Variants in FRK observed in about 807,000 individuals in gnomAD.
FRK encodes the protein tyrosine-protein kinase FRK.
FRK carries 51 observed loss-of-function variants against 56.4 expected under a neutral mutation model. The observed-to-expected ratio is 0.90, with a 90% CI of 0.72 to 1.14. The LOEUF is 1.14. FRK is among the 50% of genes most tolerant of loss of function. FRK has a pLI of 0.00. For synonymous variants in FRK, 245 were observed against 217.9 expected (o/e 1.12, Z -1.10); for missense variants, 570 against 601.4 (o/e 0.95, Z 0.55).
the FRK span, among the ~76,000 whole-genome samples, chr6:116,082,654 T>C: frequency 6.6e-6 from 1 of 152,102 alleles, no homozygotes; most frequent in African/African-American, 2.4e-5. Context: ...CTGGAAAACA[T>C]AGAGTTTCTA....
the FRK span, among the ~76,000 whole-genome samples, chr6:116,096,359 TTG>T: frequency 6.6e-6 from 1 of 152,220 alleles, no homozygotes; most frequent in African/African-American, 2.4e-5. Flanking sequence ...TGGGGATTTT[TTG>T]TGTCTAGCTA....
chr6:116,090,188 T>C, the FRK span, among the ~76,000 whole-genome samples: 1 of 152,204 alleles, frequency 6.6e-6, no homozygotes, highest in East Asian at 1.9e-4. Context: ...TCTGTTCCAC[T>C]GCAAGGTTAA....
intron 2 of FRK, among the ~76,000 whole-genome samples, chr6:115,989,080 A>G (rs1933738): frequency 0.15 from 22,409 of 151,858 alleles, 2,283 homozygotes; most frequent in Middle Eastern, 0.28. Flanking sequence ...AGAAGCAGAG[A>G]GACCAGTCAA....
intron 1 of FRK, among the ~76,000 whole-genome samples, chr6:116,005,963 T>A (rs1391994010): frequency 6.6e-6 from 1 of 152,156 alleles, no homozygotes; most frequent in Non-Finnish European, 1.5e-5. Context: ...AGGGAAGTTT[T>A]CTTTAGCAAG....
At chr6:115,969,186 T>C (rs9387379) in intron 2 of FRK, among the ~76,000 whole-genome samples, 37,952 of 152,058 alleles carry the variant, frequency 0.25, 6,227 homozygotes, top group East Asian at 0.63. Flanking sequence ...AATCCTATAA[T>C]GTGGCTTTGG....
At chr6:116,096,562 C>T in the FRK span, among the ~76,000 whole-genome samples, 1 of 152,118 alleles carries the variant, frequency 6.6e-6, no homozygotes, top group Admixed American at 6.5e-5. Context: ...GTAAATGTGC[C>T]AATCAGCACT....
chr6:116,096,755 C>G, the FRK span, among the ~76,000 whole-genome samples: 1 of 152,212 alleles, frequency 6.6e-6, no homozygotes, highest in Non-Finnish European at 1.5e-5. Context: ...TCCACTCCAG[C>G]CAGCAGCGGC....
At chr6:116,045,494 T>C (rs1414547739) in intron 1 of FRK, among the ~76,000 whole-genome samples, 1 of 152,204 alleles carries the variant, frequency 6.6e-6, no homozygotes, top group African/African-American at 2.4e-5. Context: ...AAGGATTCCC[T>C]ATTGAATAAA....
the FRK span, among the ~76,000 whole-genome samples, chr6:116,066,980 C>A: frequency 6.6e-6 from 1 of 152,184 alleles, no homozygotes; most frequent in South Asian, 2.1e-4. Context: ...CTCAGCACTT[C>A]AGAACGTGAC....
At chr6:116,010,298 G>C (rs1269485779) in intron 1 of FRK, among the ~76,000 whole-genome samples, 1 of 151,994 alleles carries the variant, frequency 6.6e-6, no homozygotes, top group African/African-American at 2.4e-5. Flanking sequence ...TAATGACAGA[G>C]GAGTTTCACT....
chr6:115,994,338 C>A (rs372380547), intron 2 of FRK, among the ~76,000 whole-genome samples: 1 of 91,770 alleles, frequency 1.1e-5, no homozygotes, highest in Non-Finnish European at 2.4e-5. Flanking sequence ...CCCCCCCCGC[C>A]TTTTTTTTGT....
chr6:115,954,442 A>G (rs1370257075), intron 5 of FRK, among the ~76,000 whole-genome samples: 1 of 152,210 alleles, frequency 6.6e-6, no homozygotes, highest in Non-Finnish European at 1.5e-5. Context: ...AGCCTGGATC[A>G]GGGTAGGAGC....
chr6:115,977,270 T>G (rs1449254058), intron 2 of FRK, among the ~76,000 whole-genome samples: 1 of 152,210 alleles, frequency 6.6e-6, no homozygotes, highest in Non-Finnish European at 1.5e-5. Flanking sequence ...CATGAATTAT[T>G]TTGAGAGAAG....
intron 5 of FRK, among the ~76,000 whole-genome samples, chr6:115,947,851 T>A (rs1772530384): frequency 6.6e-6 from 1 of 152,180 alleles, no homozygotes; most frequent in Admixed American, 6.5e-5. Context: ...TAGCTAGGCC[T>A]TTTGATATCA....
the FRK span, among the ~76,000 whole-genome samples, chr6:116,071,102 G>C: frequency 1.3e-5 from 2 of 152,118 alleles, no homozygotes; most frequent in African/African-American, 4.8e-5. Context: ...AAAAGTAACT[G>C]AGTCTTAGGG....
chr6:115,936,842 A>C lies in FRK; in HGVS notation c.*5572T>G, dbSNP rs528894351. On this transcript the variant is annotated 3_prime_UTR_variant, in exon 8 of 8. Coordinates refer to ENST00000606080, the MANE Select transcript of FRK (RefSeq NM_002031.3). Reference sequence around the variant, plus strand: ...GGGATTATGTGAAAACACCAAGTCTACGTTTGATTGGTGTACCTGAAAGTG... The same window carrying C: ...GGGATTATGTGAAAACACCAAGTCTCCGTTTGATTGGTGTACCTGAAAGTG... The C allele has an allele frequency of 6.6e-6, 1 of 152,366 alleles. No individual in the cohort carries two copies. Among genetic ancestry groups the C allele is most frequent in the South Asian group, 2.1e-4 (1 of 4,822 alleles). 9.4% of individuals were successfully genotyped at this position (152,366 alleles called of 1,614,324 possible).
At position 115,933,727 on chromosome 6, in the gene FRK, T is replaced by C. The variant is rs1334733874; in HGVS notation, c.*8687A>G. 1 of 152,186 alleles carries C rather than the reference T, an allele frequency of 6.6e-6. No individual in the cohort carries two copies. Among genetic ancestry groups the C allele is most frequent in the Non-Finnish European group, 1.5e-5 (1 of 68,006 alleles). 9.4% of individuals were successfully genotyped at this position (152,186 alleles called of 1,614,324 possible). A position where few individuals can be genotyped will look rare whatever the true frequency, so the allele number is the denominator to read the frequency against. The stretch of plus-strand genomic sequence containing the variant: ...ATATGTGCGCAAGAAAAATTAAACA[T>C]GAAATGAATTCAAAGAAAAGGAACT... On this transcript the variant is annotated 3_prime_UTR_variant, in exon 8 of 8. Transcript: ENST00000606080.
At chr6:115,958,703 A>AGGGGGGGGGG (rs1491166566) in intron 4 of FRK, among the ~76,000 whole-genome samples, 1 of 4,730 alleles carries the variant, frequency 2.1e-4, no homozygotes, top group Non-Finnish European at 4.4e-4. Flanking sequence ...AAAGAAAGAA[A>AGGGGGGGGGG]GAAGAAAGAA....
intron 1 of FRK, among the ~76,000 whole-genome samples, chr6:116,030,140 C>T (rs1233300762): frequency 1.3e-5 from 2 of 151,988 alleles, no homozygotes; most frequent in Non-Finnish European, 2.9e-5. Context: ...TTTTCCTGGC[C>T]TCATAGTAGA....
Sources: allele counts gnomAD v4.1 joint callset (sites outside exome capture counted in the v4.1 genomes callset), GRCh38; gene constraint gnomAD v4.1.1; transcripts MANE v1.5; gene names NCBI Gene and HGNC (gene_info 2026-07-23, HGNC 2026-07-21).